The following PACRG variants were observed in gnomAD, a reference collection of about 807,000 sequenced individuals.
The protein encoded by PACRG is parkin coregulated gene protein.
Under a neutral mutation model 29.7 loss-of-function variants are expected in PACRG, and 29 were observed. The ratio of observed to expected loss-of-function variants is 0.98; its 90% CI spans 0.73 to 1.33. The LOEUF (loss-of-function observed/expected upper bound fraction) is 1.33. PACRG is among the 40% of genes most tolerant of loss of function. The pLI, the probability that PACRG is intolerant of heterozygous loss-of-function variation, is 0.00. For missense variants in PACRG, 279 were observed against 316.2 expected, an observed-to-expected ratio of 0.88 and a Z score of 0.89; for synonymous variants, 116 against 118.7, an observed-to-expected ratio of 0.98 and a Z score of 0.15.
At chr6:162,826,964 C>T (rs938967271) in intron 2 of PACRG, among the ~76,000 whole-genome samples, 1 of 152,076 alleles carries the variant, frequency 6.6e-6, no homozygotes, top group Non-Finnish European at 1.5e-5. Flanking sequence ...TTTTAAAAAT[C>T]AACAAATTAT....
intron 4 of PACRG, among the ~76,000 whole-genome samples, chr6:163,245,549 G>A (rs529004805): frequency 2.0e-5 from 3 of 152,138 alleles, no homozygotes; most frequent in East Asian, 1.9e-4. Context: ...GGATCACGGG[G>A]TTCATAGAGA....
chr6:162,749,871 G>A (rs1182409748), intron 1 of PACRG, among the ~76,000 whole-genome samples: 1 of 152,150 alleles, frequency 6.6e-6, no homozygotes, highest in Admixed American at 6.5e-5. Context: ...ACTGAATATA[G>A]TAATACTTTC....
At chr6:162,729,448 C>G (rs1779571389) in intron 1 of PACRG, among the ~76,000 whole-genome samples, 1 of 152,132 alleles carries the variant, frequency 6.6e-6, no homozygotes, top group Non-Finnish European at 1.5e-5. Context: ...GACCTCTAGG[C>G]CAGGTTCCCA....
At chr6:162,727,855 G>A (rs1779387433), upstream of PACRG, 16 of 620,408 alleles carry the variant, frequency 2.6e-5, no homozygotes, top group South Asian at 3.0e-4. Context: ...TAGTTCTAAC[G>A]CGTAGTTTCT....
chr6:163,175,766 A>AGGAGGT (rs1779320752), intron 4 of PACRG, among the ~76,000 whole-genome samples: 1 of 151,174 alleles, frequency 6.6e-6, no homozygotes, highest in Non-Finnish European at 1.5e-5. Flanking sequence ...GAGGAGGAGG[A>AGGAGGT]GGAGGAGGAG....
intron 4 of PACRG, among the ~76,000 whole-genome samples, chr6:163,237,077 G>C (rs1469967950): frequency 6.6e-6 from 1 of 152,176 alleles, no homozygotes; most frequent in Non-Finnish European, 1.5e-5. Flanking sequence ...CACGAGATTT[G>C]ACTGGGGACA....
At chr6:162,900,364 CTGTGATTCCTA>C (rs976868409) in intron 2 of PACRG, among the ~76,000 whole-genome samples, 8 of 152,150 alleles carry the variant, frequency 5.3e-5, no homozygotes, top group Admixed American at 1.3e-4. Flanking sequence ...CTTCTTCAAC[CTGTGATTCCTA>C]GGTGATTCCT....
chr6:163,062,147 C>T lies in PACRG; in HGVS notation c.292-3C>T, dbSNP rs769667861. On this transcript the variant is annotated splice_polypyrimidine_tract_variant and splice_region_variant and intron_variant, in intron 2 of 4. Coordinates refer to ENST00000366888, the MANE Select transcript of PACRG (RefSeq NM_001080379.2). ...ATGGCGTCTCTTCTTTCTTTACTTT[C>T]AGGTAGAAATTGAGAAGCTGGATTA... is the stretch of plus-strand genomic sequence containing the variant. 2 of 1,613,086 alleles carry T rather than the reference C, an allele frequency of 1.2e-6. No individual in the cohort carries two copies. The highest frequency in any genetic ancestry group is 2.2e-5 in the East Asian group (1 of 44,894).
At chr6:163,117,165 G>A (rs544257269) in intron 4 of PACRG, among the ~76,000 whole-genome samples, 1 of 152,314 alleles carries the variant, frequency 6.6e-6, no homozygotes, top group East Asian at 1.9e-4. Context: ...ACTGTCTAGC[G>A]TTACCCTTCA....
rs545932369 is a variant in PACRG at position 162,982,765 on chromosome 6, G to C, written c.292-79385G>C. 2.6e-5 allele frequency among the ~76,000 whole-genome samples: 4 copies of C among 152,134 alleles called. No homozygotes were observed. The South Asian group carries it at 8.3e-4, about 32-fold the overall frequency. On this transcript the variant is annotated intron_variant, in intron 2 of 4. Coordinates refer to ENST00000366888, the MANE Select transcript of PACRG (RefSeq NM_001080379.2). ...AGAATGTTCCATGTGCTGATGAATA[G>C]AATGTATATTCTGCAGTTGTTGGGT...
chr6:162,837,320 G>T (rs1789319308), intron 2 of PACRG, among the ~76,000 whole-genome samples: 1 of 152,026 alleles, frequency 6.6e-6, no homozygotes, highest in Non-Finnish European at 1.5e-5. Flanking sequence ...AGAGTATTTG[G>T]GTTGTCACCA....
At chr6:163,262,088 A>T (rs1783349376) in intron 4 of PACRG, among the ~76,000 whole-genome samples, 1 of 152,274 alleles carries the variant, frequency 6.6e-6, no homozygotes, top group Admixed American at 6.5e-5. Flanking sequence ...ATTCTAAAAT[A>T]AATTCTAAAC....
At chr6:162,967,849 G>A (rs1055080252) in intron 2 of PACRG, among the ~76,000 whole-genome samples, 2 of 152,040 alleles carry the variant, frequency 1.3e-5, no homozygotes, top group Non-Finnish European at 1.5e-5. Flanking sequence ...GCACAAATAT[G>A]TTCTTCAAAA....
At position 163,304,659 on chromosome 6, in the gene PACRG, A is replaced by G. The variant is rs572047095; in HGVS notation, c.614-10168A>G. ...GGGAGTAACATTAGCCCTGAACCAA[A>G]GTAAGCTTGAACTTACCAGGAGGAA... is the stretch of plus-strand genomic sequence containing the variant. On this transcript the variant is annotated intron_variant, in intron 4 of 4. Transcript: ENST00000366888. 3.9e-5 allele frequency among the ~76,000 whole-genome samples: 6 copies of G among 152,352 alleles called. No homozygotes were observed. In the South Asian group the frequency reaches 1.0e-3, roughly 26 times the overall value.
At chr6:162,767,953 C>T (rs1782926089) in intron 1 of PACRG, among the ~76,000 whole-genome samples, 1 of 152,008 alleles carries the variant, frequency 6.6e-6, no homozygotes, top group Non-Finnish European at 1.5e-5. Flanking sequence ...CTGAATTAAT[C>T]TGTGTTTTTC....
intron 1 of PACRG, among the ~76,000 whole-genome samples, chr6:162,740,235 G>A (rs1384363688): frequency 4.6e-5 from 7 of 151,990 alleles, no homozygotes; most frequent in Admixed American, 1.3e-4. Flanking sequence ...TAGAATAAGC[G>A]GTCAAGTTTC....
At chr6:163,141,452 T>C (rs1234158640) in intron 4 of PACRG, among the ~76,000 whole-genome samples, 2 of 151,558 alleles carry the variant, frequency 1.3e-5, no homozygotes, top group Non-Finnish European at 2.9e-5. Flanking sequence ...GTGTTTTTTT[T>C]TTTTTTAAAG....
At chr6:163,107,784 T>G (rs779309211) in intron 4 of PACRG, among the ~76,000 whole-genome samples, 1 of 152,232 alleles carries the variant, frequency 6.6e-6, no homozygotes. Flanking sequence ...GGACTCAATC[T>G]TGATTACATC....
intron 4 of PACRG, among the ~76,000 whole-genome samples, chr6:163,106,211 T>C (rs1038014515): frequency 1.1e-4 from 17 of 152,156 alleles, no homozygotes; most frequent in African/African-American, 1.7e-4. Flanking sequence ...ATTATTCAAA[T>C]GGAAAGAGAG....
Sources: gnomAD v4.1 joint callset for allele counts (sites outside exome capture counted in the v4.1 genomes callset) on GRCh38, gnomAD v4.1.1 for gene constraint, MANE v1.5 for transcripts, NCBI Gene and HGNC (gene_info 2026-07-23, HGNC 2026-07-21) for gene names.